The following DPYD variants were observed in gnomAD, a reference collection of about 807,000 sequenced individuals.
The protein encoded by DPYD is dihydropyrimidine dehydrogenase.
Under a neutral mutation model 116.2 loss-of-function variants are expected in DPYD, and 109 were observed. The observed-to-expected ratio is 0.94, with a 90% CI of 0.80 to 1.10. The LOEUF is 1.10. Among genes scored for constraint, DPYD ranks in the 50% least tolerant of loss-of-function variants. The pLI is 0.00. For missense variants in DPYD, 1,302 were observed against 1,254.5 expected, an observed-to-expected ratio of 1.04 and a Z score of -0.57; for synonymous variants, 440 against 432.0, an observed-to-expected ratio of 1.02 and a Z score of -0.23.
At chr1:97,278,636 G>A (rs962618558) in intron 18 of DPYD, among the ~76,000 whole-genome samples, 8 of 152,124 alleles carry the variant, frequency 5.3e-5, no homozygotes, top group Non-Finnish European at 7.4e-5. Flanking sequence ...AATATGCAGA[G>A]AAAAATGAGG....
chr1:97,236,559 C>T (rs958070478), intron 18 of DPYD, among the ~76,000 whole-genome samples: 10 of 151,842 alleles, frequency 6.6e-5, no homozygotes, highest in Admixed American at 2.6e-4. Flanking sequence ...AAGGAGCGAA[C>T]GGGAGGGATA....
chr1:97,300,989 C>G (rs191944897), intron 18 of DPYD, among the ~76,000 whole-genome samples: 1 of 152,038 alleles, frequency 6.6e-6, no homozygotes, highest in East Asian at 1.9e-4. Context: ...TTAGTATTTC[C>G]TATGTTGGAT....
chr1:97,168,892 G>A (rs577756290), intron 20 of DPYD, among the ~76,000 whole-genome samples: 1 of 151,146 alleles, frequency 6.6e-6, no homozygotes, highest in South Asian at 2.1e-4. Context: ...TGTCACCCAG[G>A]CTGCAGTGCA....
At chr1:97,471,467 T>C (rs1677648831) in intron 13 of DPYD, among the ~76,000 whole-genome samples, 1 of 152,064 alleles carries the variant, frequency 6.6e-6, no homozygotes. Flanking sequence ...AACTACAAGA[T>C]AGAGACAGTA....
At chr1:97,342,613 C>T (rs1021931468) in intron 16 of DPYD, among the ~76,000 whole-genome samples, 1 of 152,064 alleles carries the variant, frequency 6.6e-6, no homozygotes, top group African/African-American at 2.4e-5. Flanking sequence ...GAACTGAAAC[C>T]CCTTAATTTA....
intron 18 of DPYD, among the ~76,000 whole-genome samples, chr1:97,238,149 T>C (rs1662079051): frequency 6.6e-6 from 1 of 152,196 alleles, no homozygotes; most frequent in Non-Finnish European, 1.5e-5. Flanking sequence ...TATGCTTTTC[T>C]TCCTTTCTAA....
chr1:97,704,730 C>T (rs1661807165), intron 5 of DPYD, among the ~76,000 whole-genome samples: 2 of 151,854 alleles, frequency 1.3e-5, no homozygotes, highest in Non-Finnish European at 2.9e-5. Flanking sequence ...AATAATTTGG[C>T]TCTTTCGGTG....
chr1:97,807,805 T>C (rs918603520), intron 3 of DPYD, among the ~76,000 whole-genome samples: 3 of 152,138 alleles, frequency 2.0e-5, no homozygotes, highest in Non-Finnish European at 4.4e-5. Context: ...TTTGAGTTAA[T>C]GTTTGTGAAA....
intron 18 of DPYD, among the ~76,000 whole-genome samples, chr1:97,258,487 A>C (rs908427767): frequency 6.6e-6 from 1 of 152,160 alleles, no homozygotes; most frequent in Non-Finnish European, 1.5e-5. Context: ...GTGATCTAAA[A>C]GTGATACCTG....
intron 18 of DPYD, among the ~76,000 whole-genome samples, chr1:97,236,599 C>T (rs1164692546): frequency 6.6e-6 from 1 of 151,976 alleles, no homozygotes; most frequent in Non-Finnish European, 1.5e-5. Context: ...ATTTTTAGGA[C>T]AGTGAAAATA....
intron 16 of DPYD, among the ~76,000 whole-genome samples, chr1:97,356,074 G>A (rs936479466): frequency 6.6e-6 from 1 of 152,024 alleles, no homozygotes; most frequent in African/African-American, 2.4e-5. Context: ...CCTTTTCTCT[G>A]CATCTTCTCC....
chr1:97,726,505 T>A (rs1663270693), intron 4 of DPYD, among the ~76,000 whole-genome samples: 1 of 151,620 alleles, frequency 6.6e-6, no homozygotes, highest in East Asian at 1.9e-4. Flanking sequence ...TTGTTAGAAA[T>A]AATCTCAAAG....
At position 97,450,101 on chromosome 1, in the gene DPYD, C is replaced by A. The variant is rs1057516388; in HGVS notation, c.1863G>T (p.Trp621Cys). The part of the protein sequence containing the change: ...ELISEKTAAY[W>C]CQSVTELKAD... The stretch of plus-strand genomic sequence containing the variant: ...CCTTTAGTTCAGTGACACTTTGACA[C>A]CAATATGCAGCCGTTTTCTCACTGA... Residue 621 changes from tryptophan to cysteine, a missense_variant, in exon 14 of 23, where the codon TGG (tryptophan) becomes TGT (cysteine). Coordinates refer to ENST00000370192, the MANE Select transcript of DPYD (RefSeq NM_000110.4). 6.2e-7 allele frequency: 1 copy of A among 1,613,948 alleles called. No homozygotes were observed. The highest frequency in any genetic ancestry group is 2.2e-5 in the East Asian group (1 of 44,864).
At chr1:97,820,300 C>T (rs1055747732) in intron 3 of DPYD, among the ~76,000 whole-genome samples, 4 of 152,036 alleles carry the variant, frequency 2.6e-5, no homozygotes, top group Admixed American at 6.6e-5. Flanking sequence ...TACACACAGA[C>T]GGGACATACC....
At chr1:97,884,266 C>A (rs1672375811) in intron 1 of DPYD, among the ~76,000 whole-genome samples, 1 of 152,086 alleles carries the variant, frequency 6.6e-6, no homozygotes, top group African/African-American at 2.4e-5. Context: ...GAACAACATA[C>A]CATTATTTCA....
At chr1:97,577,826 A>C (rs1653369151) in intron 10 of DPYD, among the ~76,000 whole-genome samples, 2 of 151,572 alleles carry the variant, frequency 1.3e-5, no homozygotes, top group South Asian at 4.2e-4. Context: ...GTTATTTTTT[A>C]TTTTATTTTA....
chr1:97,254,281 T>A (rs1343153101), intron 18 of DPYD, among the ~76,000 whole-genome samples: 2 of 152,190 alleles, frequency 1.3e-5, no homozygotes, highest in Non-Finnish European at 2.9e-5. Context: ...ACTTTTTATA[T>A]ATATACTTAT....
intron 3 of DPYD, among the ~76,000 whole-genome samples, chr1:97,791,075 A>C (rs779330102): frequency 5.3e-5 from 8 of 152,174 alleles, no homozygotes; most frequent in Non-Finnish European, 1.2e-4. Context: ...AATGTACATA[A>C]ACACAGATTT....
At chr1:97,812,384 T>G (rs1015888754) in intron 3 of DPYD, among the ~76,000 whole-genome samples, 2 of 152,114 alleles carry the variant, frequency 1.3e-5, no homozygotes, top group South Asian at 2.1e-4. Context: ...TTCTGTATAA[T>G]TAGAGATAAA....
Sources: gnomAD v4.1 joint callset for allele counts (sites outside exome capture counted in the v4.1 genomes callset) on GRCh38, gnomAD v4.1.1 for gene constraint, MANE v1.5 for transcripts, NCBI Gene and HGNC (gene_info 2026-07-23, HGNC 2026-07-21) for gene names.